The following LRRC28 variants were observed in gnomAD, a reference collection of about 807,000 sequenced individuals.
LRRC28 encodes leucine rich repeat containing 28.
A neutral mutation model predicts 45.7 loss-of-function variants in LRRC28; 39 were observed. That is an observed-to-expected ratio of 0.85 (90% CI 0.66 to 1.12). The LOEUF is 1.12. Among genes scored for constraint, LRRC28 ranks in the 50% most tolerant of loss-of-function variants. The probability of loss-of-function intolerance (pLI) is 0.00; values close to 1 mark genes in which losing one functional copy is unlikely to be tolerated. For missense variants in LRRC28, 435 were observed against 438.5 expected, an observed-to-expected ratio of 0.99 and a Z score of 0.07; for synonymous variants, 206 against 178.8, an observed-to-expected ratio of 1.15 and a Z score of -1.22.
intron 9 of LRRC28, among the ~76,000 whole-genome samples, chr15:99,367,897 G>T (rs568176018): frequency 6.6e-6 from 1 of 152,126 alleles, no homozygotes; most frequent in Non-Finnish European, 1.5e-5. Flanking sequence ...GGTCAAGGAT[G>T]GGGCTAAAAG....
chr15:99,308,939 A>G (rs1955295363), intron 5 of LRRC28, among the ~76,000 whole-genome samples: 3 of 152,220 alleles, frequency 2.0e-5, no homozygotes, highest in South Asian at 4.1e-4. Flanking sequence ...TGTTTTTGCT[A>G]TCTAAGAGAA....
At chr15:99,259,379 C>T in intron 2 of LRRC28, 3 of 1,555,662 alleles carry the variant, frequency 1.9e-6, no homozygotes, top group Non-Finnish European at 2.7e-6. Context: ...GAAGAGGTTC[C>T]AGAATGTTGC....
At chr15:99,308,459 A>T (rs918657345) in intron 5 of LRRC28, among the ~76,000 whole-genome samples, 4 of 152,194 alleles carry the variant, frequency 2.6e-5, no homozygotes, top group African/African-American at 9.7e-5. Flanking sequence ...TTAAGCTAGG[A>T]GTTCAAGACC....
chr15:99,302,193 A>AT (rs1464238877), intron 5 of LRRC28, among the ~76,000 whole-genome samples: 2 of 150,484 alleles, frequency 1.3e-5, no homozygotes, highest in African/African-American at 4.9e-5. Flanking sequence ...TGCCTGGCTA[A>AT]TTTTTTTGTA....
chr15:99,287,562 C>G (rs1276072528), intron 4 of LRRC28, among the ~76,000 whole-genome samples: 1 of 151,752 alleles, frequency 6.6e-6, no homozygotes, highest in African/African-American at 2.4e-5. Context: ...TAAAAAAAGC[C>G]CTGTGTATCA....
intron 5 of LRRC28, among the ~76,000 whole-genome samples, chr15:99,332,334 G>A (rs1040063377): frequency 6.6e-6 from 1 of 152,080 alleles, no homozygotes; most frequent in Non-Finnish European, 1.5e-5. Flanking sequence ...CTACCTGCCC[G>A]CTCCACTGCA....
chr15:99,279,138 G>A (rs1337948578), intron 3 of LRRC28, among the ~76,000 whole-genome samples: 1 of 152,196 alleles, frequency 6.6e-6, no homozygotes, highest in Non-Finnish European at 1.5e-5. Context: ...TTTTATATTA[G>A]TGGAATGAGA....
In LRRC28 at chr15:99,387,316, T is replaced by G. The variant is rs538377661; in HGVS notation, c.*1214T>G. 6.6e-6 allele frequency: 1 copy of G among 152,116 alleles called. No individual in the cohort carries two copies. The highest frequency in any genetic ancestry group is 1.5e-5 in the Non-Finnish European group (1 of 68,024). The allele number at this position is 152,116 out of a possible 1,614,324, so 9.4% of individuals were successfully genotyped here. A position where few individuals can be genotyped will look rare whatever the true frequency, so the allele number is the denominator to read the frequency against. On this transcript the variant is annotated 3_prime_UTR_variant, in exon 10 of 10. Coordinates refer to ENST00000301981, the MANE Select transcript of LRRC28 (RefSeq NM_144598.5). ...ACCTCGTGATCCGCACGCCTCGGCC[T>G]CCCAAAGTGCTGGGATTACAGGCGT... is the stretch of plus-strand genomic sequence containing the variant.
At chr15:99,371,232 C>T (rs1475364332) in intron 9 of LRRC28, among the ~76,000 whole-genome samples, 2 of 152,220 alleles carry the variant, frequency 1.3e-5, no homozygotes, top group Non-Finnish European at 2.9e-5. Flanking sequence ...AAACACACTT[C>T]GAACATCTAC....
chr15:99,293,018 T>C (rs1038777199), intron 5 of LRRC28, among the ~76,000 whole-genome samples: 3 of 152,234 alleles, frequency 2.0e-5, no homozygotes, highest in Admixed American at 6.5e-5. Flanking sequence ...GGTTCCTCTT[T>C]GCTTCCTTTC....
At chr15:99,368,354 A>C (rs1322555972) in intron 9 of LRRC28, among the ~76,000 whole-genome samples, 2 of 152,192 alleles carry the variant, frequency 1.3e-5, no homozygotes, top group Non-Finnish European at 2.9e-5. Context: ...CTATTCCACA[A>C]GTGAGAATGC....
intron 7 of LRRC28, chr15:99,353,550 T>G (rs1956953510): frequency 6.6e-6 from 1 of 152,208 alleles, no homozygotes; most frequent in Admixed American, 6.5e-5. Context: ...AGAATAGGTG[T>G]TTTTAGCTCA....
chr15:99,257,173 G>A (rs187501940), intron 2 of LRRC28, among the ~76,000 whole-genome samples: 2 of 152,270 alleles, frequency 1.3e-5, no homozygotes, highest in African/African-American at 4.8e-5. Context: ...AAATAGATAC[G>A]TATGTCTTGT....
intron 5 of LRRC28, among the ~76,000 whole-genome samples, chr15:99,299,668 G>T (rs1008643716): frequency 1.3e-5 from 2 of 152,102 alleles, no homozygotes; most frequent in African/African-American, 4.8e-5. Flanking sequence ...TTTGCCAAGG[G>T]TCAATGTAAT....
intron 5 of LRRC28, among the ~76,000 whole-genome samples, chr15:99,333,067 C>G (rs900873224): frequency 6.6e-6 from 1 of 152,188 alleles, no homozygotes; most frequent in African/African-American, 2.4e-5. Flanking sequence ...GACTGTAGGT[C>G]TTCAGTGTAA....
At chr15:99,252,156 T>C (rs943069460) in intron 1 of LRRC28, among the ~76,000 whole-genome samples, 4 of 152,226 alleles carry the variant, frequency 2.6e-5, no homozygotes, top group African/African-American at 9.6e-5. Context: ...AGTAATACTA[T>C]TTGCCTTAAC....
chr15:99,352,142 G>A (rs1956900761), intron 6 of LRRC28, among the ~76,000 whole-genome samples: 2 of 152,206 alleles, frequency 1.3e-5, no homozygotes, highest in Admixed American at 6.5e-5. Context: ...GGACCTAGAA[G>A]AAGGTTTAGG....
At chr15:99,288,054 G>T in intron 5 of LRRC28, 103 bp downstream of exon 5, 1 of 1,157,022 alleles carries the variant, frequency 8.6e-7, no homozygotes, top group Non-Finnish European at 1.1e-6. Context: ...GTATTTATAA[G>T]TATTTGTCCA....
At chr15:99,350,084 T>C (rs1048954677) in intron 6 of LRRC28, among the ~76,000 whole-genome samples, 25 of 140,714 alleles carry the variant, frequency 1.8e-4, no homozygotes, top group South Asian at 4.3e-4. Context: ...TGCAGTGAGC[T>C]GAGATTGCGC....
Sources: gnomAD v4.1 joint callset for allele counts (sites outside exome capture counted in the v4.1 genomes callset) on GRCh38, gnomAD v4.1.1 for gene constraint, MANE v1.5 for transcripts, NCBI Gene and HGNC (gene_info 2026-07-23, HGNC 2026-07-21) for gene names.